Variants in TYW5 observed in about 807,000 individuals in gnomAD.
The protein encoded by TYW5 is tRNA wybutosine-synthesizing protein 5.
In TYW5, 36 loss-of-function variants were observed where a neutral mutation model predicts 44.4. The observed-to-expected ratio is 0.81, with a 90% CI of 0.62 to 1.07. The LOEUF is 1.07. TYW5 is among the 50% of genes least tolerant of loss of function. The pLI, the probability that TYW5 is intolerant of heterozygous loss-of-function variation, is 0.00. For missense variants in TYW5, 354 were observed against 365.7 expected (o/e 0.97, Z 0.26); for synonymous variants, 121 against 128.1 (o/e 0.94, Z 0.37).
rs1353823658 is a variant in TYW5 at position 199,939,071 on chromosome 2, C to T, written c.349-1G>A. ...ACTGCTTTCTGATATCTGCAACATC[C>T]TGCATTTACAGAAACATAAAAAGAA... On this transcript the variant is annotated splice_acceptor_variant, in intron 4 of 7. Transcript: ENST00000354611. LOFTEE classifies it high-confidence loss of function. The T allele has an allele frequency of 6.3e-7, 1 of 1,593,264 alleles. No homozygotes were observed. Among genetic ancestry groups the T allele is most frequent in the Non-Finnish European group, 8.5e-7 (1 of 1,174,560 alleles).
chr2:199,933,832 C>T (rs932305741), intron 7 of TYW5, among the ~76,000 whole-genome samples: 1 of 152,078 alleles, frequency 6.6e-6, no homozygotes, highest in South Asian at 2.1e-4. Context: ...ATAGCCTCCT[C>T]GTTTTATATT....
intron 4 of TYW5, among the ~76,000 whole-genome samples, chr2:199,939,537 GTCA>G (rs1431694017): frequency 6.6e-6 from 1 of 152,126 alleles, no homozygotes; most frequent in Non-Finnish European, 1.5e-5. Flanking sequence ...TTACACAAAT[GTCA>G]TCCACTCTAA....
chr2:199,929,413 G>A lies in TYW5; in HGVS notation c.*3654C>T, dbSNP rs534218485. Among the ~76,000 whole-genome samples, 3 of 152,086 alleles carry A rather than the reference G, an allele frequency of 2.0e-5. No individual in the cohort carries two copies. The highest frequency in any genetic ancestry group is 2.1e-4 in the South Asian group (1 of 4,828). ...CTTGTGGCTTGTATGCTTGAAACAA[G>A]ACTAAGGTAACACCAGAGATGTGTG... On this transcript the variant is annotated 3_prime_UTR_variant, in exon 8 of 8. Coordinates refer to ENST00000354611, the MANE Select transcript of TYW5 (RefSeq NM_001039693.3).
At position 199,930,724 on chromosome 2, in the gene TYW5, C is replaced by T. The variant is rs2077370151; in HGVS notation, c.*2343G>A. 1 of 152,098 alleles carries T rather than the reference C, an allele frequency of 6.6e-6. No homozygotes were observed. Among genetic ancestry groups the T allele is most frequent in the South Asian group, 2.1e-4 (1 of 4,830 alleles). 9.4% of individuals were successfully genotyped at this position (152,098 alleles called of 1,614,324 possible). Reference sequence around the variant, plus strand: ...AGCCCCCAAACTAGCCAAAGAAAAGCTGTGTAATCTATTCAGAAGTACTGG... The same window carrying T: ...AGCCCCCAAACTAGCCAAAGAAAAGTTGTGTAATCTATTCAGAAGTACTGG... On this transcript the variant is annotated 3_prime_UTR_variant, in exon 8 of 8. Transcript: ENST00000354611.
At chr2:199,940,197 G>A in intron 3 of TYW5, 64 bp from the exon 4 acceptor site, 1 of 1,401,232 alleles carries the variant, frequency 7.1e-7, no homozygotes, top group Non-Finnish European at 1.0e-6. Context: ...AAAAATACTA[G>A]GATTTGTATA....
intron 4 of TYW5, 87 bp downstream of exon 4, chr2:199,940,002 C>T: frequency 8.2e-7 from 1 of 1,212,396 alleles, no homozygotes; most frequent in Non-Finnish European, 1.2e-6. Flanking sequence ...ATATGTCAGG[C>T]AGTAAGTATA....
At chr2:199,954,696 A>AT (rs2077579678) in intron 1 of TYW5, among the ~76,000 whole-genome samples, 1 of 152,150 alleles carries the variant, frequency 6.6e-6, no homozygotes, top group Non-Finnish European at 1.5e-5. Context: ...AAGTGCTGGG[A>AT]TTACAGGCGT....
intron 1 of TYW5, among the ~76,000 whole-genome samples, chr2:199,950,064 T>A (rs756975454): frequency 1.3e-5 from 2 of 152,186 alleles, no homozygotes; most frequent in Non-Finnish European, 2.9e-5. Flanking sequence ...TTAAAGTAGT[T>A]CTGGTTTCTT....
intron 2 of TYW5, chr2:199,946,316 AAAG>A (rs1272162219): frequency 2.6e-5 from 4 of 152,198 alleles, no homozygotes; most frequent in African/African-American, 4.8e-5. Context: ...ACATTTTAAA[AAAG>A]AAGAAGAAAG....
intron 1 of TYW5, among the ~76,000 whole-genome samples, chr2:199,950,771 C>G (rs2077538732): frequency 6.6e-6 from 1 of 152,080 alleles, no homozygotes. Flanking sequence ...TGACCCTGAA[C>G]TGAAATAAGC....
intron 2 of TYW5, chr2:199,944,045 G>A (rs1559304635): frequency 2.4e-6 from 1 of 420,254 alleles, no homozygotes. Context: ...TGAAATTTTG[G>A]AATTAAATAT....
intron 5 of TYW5, among the ~76,000 whole-genome samples, chr2:199,938,580 T>C (rs2077439976): frequency 6.6e-6 from 1 of 152,190 alleles, no homozygotes; most frequent in Non-Finnish European, 1.5e-5. Flanking sequence ...GTATCATTTA[T>C]ACCTCCTTAT....
At chr2:199,937,576 C>T (rs1254533564) in intron 5 of TYW5, among the ~76,000 whole-genome samples, 3 of 151,836 alleles carry the variant, frequency 2.0e-5, no homozygotes, top group South Asian at 2.1e-4. Flanking sequence ...AGCTGAGATA[C>T]GAGAATCACT....
intron 1 of TYW5, among the ~76,000 whole-genome samples, chr2:199,953,527 T>G: frequency 6.6e-6 from 1 of 152,160 alleles, no homozygotes; most frequent in East Asian, 1.9e-4. Context: ...AAAAAGTCAT[T>G]TTGTGCCTTA....
chr2:199,953,659 T>C (rs1158199054), intron 1 of TYW5, among the ~76,000 whole-genome samples: 1 of 152,238 alleles, frequency 6.6e-6, no homozygotes, highest in Non-Finnish European at 1.5e-5. Context: ...ACAGTGTTAA[T>C]TATGGAGTTA....
Position 199,940,143 on chromosome 2 carries a change from C to A in TYW5, c.304-10G>T. 1.9e-6 allele frequency: 3 copies of A among 1,610,238 alleles called. No individual in the cohort carries two copies. Among genetic ancestry groups the A allele is most frequent in the Non-Finnish European group, 2.5e-6 (3 of 1,178,302 alleles). ...AGTAGTATTTCTCATCCTTAAACAC[C>A]CCAGAGAAAAATAACATCAGCAATA... On this transcript the variant is annotated splice_polypyrimidine_tract_variant and intron_variant, in intron 3 of 7. Transcript: ENST00000354611.
rs1385587588 is a variant in TYW5 at position 199,930,962 on chromosome 2, C to CAA, written c.*2103_*2104dup. ...TGTATAAGATTTTATACATTAAAAA[C>CAA]AAACATCTCATTTGGTCTTAACCCA... is the stretch of plus-strand genomic sequence containing the variant. On this transcript the variant is annotated 3_prime_UTR_variant, in exon 8 of 8. Coordinates refer to ENST00000354611, the MANE Select transcript of TYW5 (RefSeq NM_001039693.3). 6.6e-6 allele frequency: 1 copy of CAA among 152,118 alleles called. No individual in the cohort carries two copies. The highest frequency in any genetic ancestry group is 2.4e-5 in the African/African-American group (1 of 41,436). The allele number at this position is 152,118 out of a possible 1,614,324, so 9.4% of individuals were successfully genotyped here. A position where few individuals can be genotyped will look rare whatever the true frequency, so the allele number is the denominator to read the frequency against.
intron 6 of TYW5, 71 bp downstream of exon 6, chr2:199,936,334 G>T: frequency 1.5e-6 from 2 of 1,294,572 alleles, no homozygotes; most frequent in South Asian, 1.3e-5. Context: ...TTTCCTATAA[G>T]AATCAAGAGA....
intron 3 of TYW5, among the ~76,000 whole-genome samples, chr2:199,941,621 T>C (rs897538732): frequency 1.3e-5 from 2 of 152,240 alleles, no homozygotes; most frequent in African/African-American, 2.4e-5. Flanking sequence ...TACTGGCTAA[T>C]AAGTTTCAAA....
Sources: allele counts gnomAD v4.1 joint callset (sites outside exome capture counted in the v4.1 genomes callset), GRCh38; gene constraint gnomAD v4.1.1; transcripts MANE v1.5; gene names NCBI Gene and HGNC (gene_info 2026-07-23, HGNC 2026-07-21).